BRD4: variants seen among roughly 807,000 people sequenced by gnomAD.
BRD4 encodes bromodomain containing 4, also known as bromodomain-containing protein 4.
Under a neutral mutation model 142.1 loss-of-function variants are expected in BRD4, and 16 were observed. The observed-to-expected ratio is 0.11, with a 90% CI of 0.08 to 0.17. The LOEUF (loss-of-function observed/expected upper bound fraction) is 0.17. Among genes scored for constraint, BRD4 ranks in the 10% least tolerant of loss-of-function variants. The pLI is 1.00. For synonymous variants in BRD4, 833 were observed against 707.5 expected (o/e 1.18, Z -2.82); for missense variants, 1,424 against 1,810.9 (o/e 0.79, Z 3.88).
At chr19:15,248,032 C>G (rs1019740889) in intron 11 of BRD4, 1 of 220,386 alleles carries the variant, frequency 4.5e-6, no homozygotes, top group Non-Finnish European at 9.1e-6. Context: ...TGATAGCCCA[C>G]TTCCAGTTCC....
chr19:15,250,168 A>G (rs950176913), intron 11 of BRD4, among the ~76,000 whole-genome samples: 3 of 152,090 alleles, frequency 2.0e-5, no homozygotes, highest in African/African-American at 7.2e-5. Context: ...GCCACATTCC[A>G]CAAGGCTCGC....
At chr19:15,308,115 CAAA>C (rs57642262) in intron 1 of BRD4, among the ~76,000 whole-genome samples, 2 of 21,180 alleles carry the variant, frequency 9.4e-5, no homozygotes, top group East Asian at 1.9e-3. Flanking sequence ...GACTCCGTCT[CAAA>C]AAAAAAAAAA....
At chr19:15,294,052 G>A (rs2047804540) in intron 1 of BRD4, among the ~76,000 whole-genome samples, 1 of 152,190 alleles carries the variant, frequency 6.6e-6, no homozygotes, top group Non-Finnish European at 1.5e-5. Flanking sequence ...TCTTTTTGTA[G>A]GCTAATGAGT....
At chr19:15,305,479 C>A (rs1294581412) in intron 1 of BRD4, among the ~76,000 whole-genome samples, 1 of 152,216 alleles carries the variant, frequency 6.6e-6, no homozygotes, top group Non-Finnish European at 1.5e-5. Flanking sequence ...AGGTGCATCA[C>A]CAATGAGTTG....
At chr19:15,264,090 T>C in intron 6 of BRD4, 1 of 322,562 alleles carries the variant, frequency 3.1e-6, no homozygotes, top group Non-Finnish European at 5.7e-6. Flanking sequence ...CCAACTCCCA[T>C]GGAGCATCTA....
In BRD4 at chr19:15,255,277, C is replaced by T. The variant is rs1258297367; in HGVS notation, c.2047+20G>A. The T allele has an allele frequency of 3.8e-6, 6 of 1,599,630 alleles. No homozygotes were observed. The highest frequency in any genetic ancestry group is 5.1e-6 in the Non-Finnish European group (6 of 1,169,552). On this transcript the variant is annotated intron_variant, in intron 10 of 19. Coordinates refer to ENST00000679869, the MANE Select transcript of BRD4 (RefSeq NM_001379291.1). ...GGGTGCCCACAGAAGGAACCCCATG[C>T]CCAGGGGGCCCAAGCACACCTTGAG...
At chr19:15,317,566 AAAGAT>A (rs2048027486) in intron 1 of BRD4, among the ~76,000 whole-genome samples, 1 of 152,190 alleles carries the variant, frequency 6.6e-6, no homozygotes, top group Non-Finnish European at 1.5e-5. Flanking sequence ...CAGAGTCAAC[AAAGAT>A]AAGGACTGCT....
At chr19:15,318,964 G>C (rs912764121) in intron 1 of BRD4, among the ~76,000 whole-genome samples, 1 of 152,154 alleles carries the variant, frequency 6.6e-6, no homozygotes, top group Non-Finnish European at 1.5e-5. Context: ...GAGGATTTTT[G>C]CAAGGACAAA....
chr19:15,319,959 C>T (rs1193944338), intron 1 of BRD4, among the ~76,000 whole-genome samples: 1 of 152,118 alleles, frequency 6.6e-6, no homozygotes, highest in East Asian at 1.9e-4. Flanking sequence ...AACAAAAAAG[C>T]CATCAATAGC....
At chr19:15,300,088 T>C (rs1209859913) in intron 1 of BRD4, among the ~76,000 whole-genome samples, 3 of 151,890 alleles carry the variant, frequency 2.0e-5, no homozygotes, top group African/African-American at 4.8e-5. Flanking sequence ...TACTAAAAAA[T>C]TTTAAAATTA....
Position 15,265,585 on chromosome 19 carries a change from C to A in BRD4, c.618G>T (p.Pro206=). 1 of 1,614,004 alleles carries A rather than the reference C, an allele frequency of 6.2e-7. No homozygotes were observed. Among genetic ancestry groups the A allele is most frequent in the Non-Finnish European group, 8.5e-7 (1 of 1,180,016 alleles). ...VPNTTQASTP[P]QTQTPQPNPP... The stretch of plus-strand genomic sequence containing the variant: ...GATTCGGCTGAGGGGTCTGGGTCTG[C>A]GGAGGAGTCGATGCTTGAGTTGTGT... Residue 206 remains proline (P), a synonymous_variant, in exon 5 of 20, where the codon CCG becomes CCT. Coordinates refer to ENST00000679869, the MANE Select transcript of BRD4 (RefSeq NM_001379291.1).
intron 7 of BRD4, among the ~76,000 whole-genome samples, chr19:15,259,628 C>T (rs1362352657): frequency 6.6e-6 from 1 of 152,200 alleles, no homozygotes; most frequent in Non-Finnish European, 1.5e-5. Flanking sequence ...TGTGAGAACT[C>T]TTGTTGTAGC....
chr19:15,276,956 A>C (rs1405270870), intron 1 of BRD4, among the ~76,000 whole-genome samples: 6 of 152,176 alleles, frequency 3.9e-5, no homozygotes, highest in Non-Finnish European at 8.8e-5. Context: ...ACAGAGAATG[A>C]GACCAGAGGC....
rs1387050250 is a variant in BRD4 at position 15,257,104 on chromosome 19, G to C, written c.1411C>G (p.Pro471Ala). 6.2e-7 allele frequency: 1 copy of C among 1,608,850 alleles called. No individual in the cohort carries two copies. Among genetic ancestry groups the C allele is most frequent in the Non-Finnish European group, 8.5e-7 (1 of 1,179,488 alleles). ...ACCTTGGTGGGAGGGGGCACTGCCG[G>C]GGAGGACACGGCCACCACTGGCTCC... ...PEEPVVAVSSPAVPPPTKVVA... is the reference protein window; with the variant it reads ...PEEPVVAVSSAAVPPPTKVVA... Residue 471 changes from proline (P) to alanine (A), a missense_variant, in exon 8 of 20, where the codon CCG (proline) becomes GCG (alanine). Transcript: ENST00000679869.
At chr19:15,298,618 C>A (rs1323020223) in intron 1 of BRD4, among the ~76,000 whole-genome samples, 1 of 39,660 alleles carries the variant, frequency 2.5e-5, no homozygotes, top group Non-Finnish European at 4.2e-5. Flanking sequence ...GAGACTCCAA[C>A]TCAAAAAAAA....
intron 1 of BRD4, among the ~76,000 whole-genome samples, chr19:15,308,693 C>CA (rs1314214726): frequency 6.6e-6 from 1 of 150,960 alleles, no homozygotes; most frequent in Middle Eastern, 3.5e-3. Context: ...AAAAAGGGGG[C>CA]AAAAAACATA....
intron 1 of BRD4, among the ~76,000 whole-genome samples, chr19:15,330,729 T>C (rs551723904): frequency 6.6e-6 from 1 of 152,318 alleles, no homozygotes; most frequent in East Asian, 1.9e-4. Flanking sequence ...ATCGCGCCAC[T>C]GCACTACAGC....
chr19:15,307,092 G>C (rs184893984), intron 1 of BRD4, among the ~76,000 whole-genome samples: 1 of 152,204 alleles, frequency 6.6e-6, no homozygotes, highest in East Asian at 1.9e-4. Context: ...GCAAGGAAAT[G>C]AAGTAGGGAA....
intron 11 of BRD4, chr19:15,245,128 G>C (rs1475085574): frequency 6.4e-6 from 2 of 311,454 alleles, no homozygotes; most frequent in Non-Finnish European, 1.2e-5. Flanking sequence ...AACCTGCTCA[G>C]TTTTCCAACA....
Sources: allele counts gnomAD v4.1 joint callset (sites outside exome capture counted in the v4.1 genomes callset), GRCh38; gene constraint gnomAD v4.1.1; transcripts MANE v1.5; gene names NCBI Gene and HGNC (gene_info 2026-07-23, HGNC 2026-07-21).